CFAP61: variants seen among roughly 807,000 people sequenced by gnomAD.
CFAP61 encodes the protein cilia and flagella associated protein 61.
CFAP61 carries 107 observed loss-of-function variants against 135.6 expected under a neutral mutation model. That is an observed-to-expected ratio of 0.79 (90% CI 0.67 to 0.93). CFAP61 has a LOEUF of 0.93. Among genes scored for constraint, CFAP61 ranks in the 40% least tolerant of loss-of-function variants. The pLI is 0.00. For synonymous variants in CFAP61, 575 were observed against 578.5 expected (o/e 0.99, Z 0.09); for missense variants, 1,507 against 1,556.2 (o/e 0.97, Z 0.53).
intron 24 of CFAP61, among the ~76,000 whole-genome samples, chr20:20,296,068 C>G: frequency 1.5e-5 from 1 of 64,804 alleles, no homozygotes; most frequent in African/African-American, 6.0e-5. Context: ...TCCTTCCCTT[C>G]CTTCCCTCCT....
intron 7 of CFAP61, among the ~76,000 whole-genome samples, chr20:20,092,987 C>T (rs2047315291): frequency 6.6e-6 from 1 of 152,168 alleles, no homozygotes; most frequent in South Asian, 2.1e-4. Flanking sequence ...ATTGAAAACA[C>T]ATGTCCACAC....
At chr20:20,164,449 A>G (rs750693632) in intron 11 of CFAP61, among the ~76,000 whole-genome samples, 2 of 152,206 alleles carry the variant, frequency 1.3e-5, no homozygotes, top group Non-Finnish European at 2.9e-5. Flanking sequence ...TGGCCTACCT[A>G]TGTAACAATT....
Position 20,075,625 on chromosome 20 carries a change from G to A in CFAP61, c.566+10G>A, listed in dbSNP as rs1248420904. 7.4e-6 allele frequency: 12 copies of A among 1,613,672 alleles called. No individual in the cohort carries two copies. Among genetic ancestry groups the A allele is most frequent in the South Asian group, 1.1e-5 (1 of 91,054 alleles). On this transcript the variant is annotated intron_variant, in intron 6 of 26. Transcript: ENST00000245957. Reference sequence around the variant, plus strand: ...ACGTTCGCAAAGCCAGGTACAGTTGGAGTCATGCCTTGTGTGACCTAAGCT... The same window carrying A: ...ACGTTCGCAAAGCCAGGTACAGTTGAAGTCATGCCTTGTGTGACCTAAGCT...
At chr20:20,342,333 G>A (rs776425203) in intron 26 of CFAP61, among the ~76,000 whole-genome samples, 1 of 152,152 alleles carries the variant, frequency 6.6e-6, no homozygotes, top group Non-Finnish European at 1.5e-5. Context: ...CATCCAGTGT[G>A]CCTCAAAAGC....
intron 25 of CFAP61, among the ~76,000 whole-genome samples, chr20:20,304,270 G>A (rs1251994692): frequency 8.1e-6 from 1 of 123,664 alleles, no homozygotes; most frequent in African/African-American, 3.3e-5. Context: ...CACCATCGGT[G>A]ACTGTGTGTG....
chr20:20,297,478 C>T (rs138152937), intron 24 of CFAP61, among the ~76,000 whole-genome samples: 83 of 152,286 alleles, frequency 5.5e-4, no homozygotes, highest in African/African-American at 2.0e-3. Flanking sequence ...GAGCCATCCA[C>T]GGCTGAAATA....
intron 25 of CFAP61, among the ~76,000 whole-genome samples, chr20:20,310,249 C>T (rs561956428): frequency 1.3e-5 from 2 of 152,286 alleles, no homozygotes; most frequent in South Asian, 4.1e-4. Flanking sequence ...CTGCCTCAGC[C>T]TCCCAGAGTG....
intron 18 of CFAP61, among the ~76,000 whole-genome samples, chr20:20,233,315 C>T (rs1034939730): frequency 1.3e-5 from 2 of 152,200 alleles, no homozygotes; most frequent in Admixed American, 6.5e-5. Flanking sequence ...AGAGCTCAAC[C>T]GCAATGGACA....
At chr20:20,277,561 G>A in intron 22 of CFAP61, 103 bp downstream of exon 22, 1 of 1,278,766 alleles carries the variant, frequency 7.8e-7, no homozygotes, top group Non-Finnish European at 1.1e-6. Context: ...TGTAGTACCA[G>A]ATGTTGGATT....
intron 25 of CFAP61, among the ~76,000 whole-genome samples, chr20:20,339,935 T>C (rs2058370486): frequency 6.6e-6 from 1 of 152,248 alleles, no homozygotes; most frequent in African/African-American, 2.4e-5. Flanking sequence ...GCCATGCTGC[T>C]GCTGTAGGAT....
chr20:20,280,151 T>G (rs1535229), intron 22 of CFAP61, among the ~76,000 whole-genome samples: 125,478 of 152,100 alleles, frequency 0.82, 51,958 homozygotes, highest in Middle Eastern at 0.88. Context: ...GGATCAAGGT[T>G]GGCCCTAAAT....
intron 2 of CFAP61, among the ~76,000 whole-genome samples, chr20:20,060,071 GA>G (rs1436838580): frequency 6.7e-4 from 45 of 67,088 alleles, no homozygotes; most frequent in Non-Finnish European, 1.0e-3. Context: ...AAAAATAACA[GA>G]GGGGGAAAAA....
chr20:20,352,336 TC>T (rs1379365415), intron 26 of CFAP61, among the ~76,000 whole-genome samples: 9 of 152,160 alleles, frequency 5.9e-5, no homozygotes, highest in African/African-American at 2.2e-4. Context: ...ACACCCACTA[TC>T]ATGAGGACAG....
At position 20,200,853 on chromosome 20, in the gene CFAP61, G is replaced by T. The variant is rs189300664; in HGVS notation, c.1932+951G>T. 15 of 985,372 alleles carry T rather than the reference G, an allele frequency of 1.5e-5. No individual in the cohort carries two copies. The African/African-American group carries it at 2.1e-4, about 14-fold the overall frequency. 61.0% of individuals were successfully genotyped at this position (985,372 alleles called of 1,614,324 possible). A position where few individuals can be genotyped will look rare whatever the true frequency, so the allele number is the denominator to read the frequency against. On this transcript the variant is annotated intron_variant, in intron 17 of 26. Transcript: ENST00000245957. ...ACTTGTGCGTGCACTGAGGGATGGG[G>T]CGTACCTCCATCAGACCAACTCAGA...
intron 26 of CFAP61, among the ~76,000 whole-genome samples, chr20:20,345,917 C>T (rs535759073): frequency 0.013 from 976 of 74,326 alleles, 20 homozygotes; most frequent in African/African-American, 0.041. Flanking sequence ...TTTTTTGAGA[C>T]GGAGTCTCGC....
At chr20:20,255,434 G>C (rs1035872650) in intron 20 of CFAP61, among the ~76,000 whole-genome samples, 1 of 152,198 alleles carries the variant, frequency 6.6e-6, no homozygotes, top group African/African-American at 2.4e-5. Context: ...CTGACAGGTA[G>C]GGCAGGTACT....
chr20:20,180,611 A>G (rs2054993766), intron 13 of CFAP61, among the ~76,000 whole-genome samples: 1 of 152,194 alleles, frequency 6.6e-6, no homozygotes, highest in South Asian at 2.1e-4. Flanking sequence ...ACGACTCCTC[A>G]AAGACGTAAA....
chr20:20,314,449 A>T (rs918485522), intron 25 of CFAP61, among the ~76,000 whole-genome samples: 2 of 150,870 alleles, frequency 1.3e-5, no homozygotes, highest in African/African-American at 4.9e-5. Flanking sequence ...ACCATAAACC[A>T]TAGCAGTGGG....
intron 6 of CFAP61, among the ~76,000 whole-genome samples, chr20:20,082,486 T>C (rs922417252): frequency 3.3e-5 from 5 of 152,358 alleles, no homozygotes; most frequent in African/African-American, 1.2e-4. Flanking sequence ...CTCTAAAATC[T>C]ACAGTGGGCT....
Sources: gnomAD v4.1 joint callset for allele counts (sites outside exome capture counted in the v4.1 genomes callset) on GRCh38, gnomAD v4.1.1 for gene constraint, MANE v1.5 for transcripts, NCBI Gene and HGNC (gene_info 2026-07-23, HGNC 2026-07-21) for gene names.